The following MICALL2 variants were observed in gnomAD, a reference collection of about 807,000 sequenced individuals.
The protein encoded by MICALL2 is MICAL like 2, also known as MICAL-like protein 2.
MICALL2 carries 111 observed loss-of-function variants against 91.1 expected under a neutral mutation model. The ratio of observed to expected loss-of-function variants is 1.22; its 90% CI spans 1.04 to 1.43. MICALL2 has a LOEUF of 1.43. MICALL2 is among the 40% of genes most tolerant of loss of function. The probability of loss-of-function intolerance (pLI) is 0.00; values close to 1 mark genes in which losing one functional copy is unlikely to be tolerated. For missense variants in MICALL2, 1,556 were observed against 1,236.0 expected (o/e 1.26, Z -3.88); for synonymous variants, 694 against 525.3 (o/e 1.32, Z -4.39).
intron 6 of MICALL2, 115 bp downstream of exon 6, chr7:1,444,537 C>T: frequency 3.8e-6 from 4 of 1,057,530 alleles, no homozygotes; most frequent in Non-Finnish European, 5.4e-6. Flanking sequence ...GAAGTGCAGT[C>T]CCCAAGGCCA....
In MICALL2 at chr7:1,438,859, A is replaced by G. The variant is rs4492283; in HGVS notation, c.2103T>C (p.Pro701=). The G allele has an allele frequency of 0.19, 301,634 of 1,606,568 alleles. 33,947 individuals are homozygous for G. Among genetic ancestry groups the G allele is most frequent in the African/African-American group, 0.52 (38,714 of 74,862 alleles). The change falls in exon 10 of 17, where the codon CCT becomes CCC. Residue 701 remains proline, a synonymous_variant. Transcript: ENST00000297508. ...VQSWKEEEKK[P]HLQGKPGRPL... is the part of the protein sequence containing the mutation. ...GCTGACCTGGTTTGCCCTGAAGGTG[A>G]GGTTTCTTCTCCTCCTCCTTCCAGC... is the stretch of plus-strand genomic sequence containing the variant.
At chr7:1,434,699 G>A (rs757113612) in intron 16 of MICALL2, 27 bp from the exon 17 acceptor site, 36 of 1,529,734 alleles carry the variant, frequency 2.4e-5, no homozygotes, top group Middle Eastern at 3.5e-4. Context: ...CAGTGAGGCC[G>A]TGCTCAACGC....
intron 7 of MICALL2, 21 bp downstream of exon 7, chr7:1,442,171 G>A (rs1049537634): frequency 9.3e-6 from 15 of 1,608,942 alleles, no homozygotes; most frequent in Middle Eastern, 1.9e-4. Flanking sequence ...GGGGCCTCCT[G>A]CCTCCCAGCC....
chr7:1,440,530 A>T, intron 8 of MICALL2, 61 bp downstream of exon 8: 1 of 1,413,186 alleles, frequency 7.1e-7, no homozygotes, highest in Non-Finnish European at 1.0e-6. Flanking sequence ...TTACATACTC[A>T]CTGCATTTAT....
Position 1,451,560 on chromosome 7 carries a change from C to T in MICALL2, c.144-1272G>A, listed in dbSNP as rs1488435207. ...GTCCACGTTGCTGCCTGTGGGGTCC[C>T]GGACAGCAGCTGCTGCCATGTCAGC... is the stretch of plus-strand genomic sequence containing the variant. On this transcript the variant is annotated intron_variant, in intron 1 of 16. Coordinates refer to ENST00000297508, the MANE Select transcript of MICALL2 (RefSeq NM_182924.4). This position sits in a 1 kb window ranked among gnomAD's most constrained non-coding sequence, Gnocchi z 4.5. Among the ~76,000 whole-genome samples, 1 of 152,198 alleles carries T rather than the reference C, an allele frequency of 6.6e-6. No homozygotes were observed. The highest frequency in any genetic ancestry group is 1.5e-5 in the Non-Finnish European group (1 of 68,024).
chr7:1,437,820 C>T (rs1780048243), intron 13 of MICALL2, 70 bp downstream of exon 13: 2 of 1,427,922 alleles, frequency 1.4e-6, no homozygotes, highest in East Asian at 2.5e-5. Context: ...CGCTCCTGTC[C>T]CCCGCCTGGC....
intron 7 of MICALL2, 33 bp downstream of exon 7, chr7:1,442,159 C>T: frequency 6.2e-7 from 1 of 1,607,508 alleles, no homozygotes; most frequent in South Asian, 1.1e-5. Flanking sequence ...CTGCGGGCCC[C>T]CGGGGCCTCC....
At chr7:1,448,822 C>T (rs1212916981) in intron 2 of MICALL2, 61 bp from the exon 3 acceptor site, 8 of 1,589,300 alleles carry the variant, frequency 5.0e-6, no homozygotes, top group Admixed American at 1.7e-5. Context: ...TCCACCAGGC[C>T]GCAGCTCACC....
rs373990870 is a variant in MICALL2, at chr7:1,445,398, C to T, written c.672G>A (p.Ser224=). The stretch of plus-strand genomic sequence containing the variant: ...GCTCTCCTGTGGCCTTGTAGGCCCC[C>T]GAGTGCAGCGTGCAGGAGCACTGCT... ...RCKQCSCTLH[S]GAYKATGEPG... is the part of the protein sequence containing the mutation. The change falls in exon 6 of 17, where the codon TCG becomes TCA. Residue 224 remains serine, a synonymous_variant. Coordinates refer to ENST00000297508, the MANE Select transcript of MICALL2 (RefSeq NM_182924.4). The T allele has an allele frequency of 1.6e-4, 249 of 1,564,728 alleles. 2 individuals carry two copies. The African/African-American group carries it at 2.3e-3, about 14-fold the overall frequency.
At chr7:1,438,696 C>T (rs1780108269) in intron 10 of MICALL2, 144 bp downstream of exon 10, 1 of 1,475,148 alleles carries the variant, frequency 6.8e-7, no homozygotes, top group South Asian at 1.4e-5. Flanking sequence ...GGGCCTGGGG[C>T]ACGGGGCTGG....
In MICALL2 at chr7:1,437,523, CG is replaced by C; in HGVS notation, c.2476+11del. 4.0e-6 allele frequency: 6 copies of C among 1,514,664 alleles called. No homozygotes were observed. Among genetic ancestry groups the C allele is most frequent in the Non-Finnish European group, 2.6e-6 (3 of 1,139,490 alleles). 93.8% of individuals were successfully genotyped at this position (1,514,664 alleles called of 1,614,324 possible). A position where few individuals can be genotyped will look rare whatever the true frequency, so the allele number is the denominator to read the frequency against. On this transcript the variant is annotated intron_variant, in intron 14 of 16. Coordinates refer to ENST00000297508, the MANE Select transcript of MICALL2 (RefSeq NM_182924.4). ...TGGCTGGGGCCCCTTGGCTGGCGCGCGGGGGACGCACCGGGCTTGGCCATGA... is the reference window on the plus strand; with the variant it reads ...TGGCTGGGGCCCCTTGGCTGGCGCGCGGGGACGCACCGGGCTTGGCCATGA...
chr7:1,443,636 AAGAC>A lies in MICALL2; in HGVS notation c.1418+1012_1418+1015del, dbSNP rs575778778. On this transcript the variant is annotated intron_variant, in intron 6 of 16. Coordinates refer to ENST00000297508, the MANE Select transcript of MICALL2 (RefSeq NM_182924.4). Reference sequence around the variant, plus strand: ...GTCCTTAGAAGAGACAGAAGAGGAGAAGACAGACAGAGAGAAGGCCACATGGAAA... The same window carrying A: ...GTCCTTAGAAGAGACAGAAGAGGAGAAGACAGAGAGAAGGCCACATGGAAA... 7.8e-3 allele frequency among the ~76,000 whole-genome samples: 1,185 copies of A among 152,244 alleles called. 12 individuals carry two copies. Among genetic ancestry groups the A allele is most frequent in the Non-Finnish European group, 0.012 (815 of 68,000 alleles).
In MICALL2 at chr7:1,436,876, G is replaced by C. The variant is rs1453629552; in HGVS notation, c.2477-20C>G. 1 of 1,525,802 alleles carries C rather than the reference G, an allele frequency of 6.6e-7. No individual in the cohort carries two copies. The allele number at this position is 1,525,802 out of a possible 1,614,324, so 94.5% of individuals were successfully genotyped here. A position where few individuals can be genotyped will look rare whatever the true frequency, so the allele number is the denominator to read the frequency against. On this transcript the variant is annotated intron_variant, in intron 14 of 16. Transcript: ENST00000297508. Reference sequence around the variant, plus strand: ...GAGCCTCTGTGGGGATGGCTCGTCAGCAGGAGCCCCCCCCACCACTGCCAT... The same window carrying C: ...GAGCCTCTGTGGGGATGGCTCGTCACCAGGAGCCCCCCCCACCACTGCCAT...
rs762201775 is a variant in MICALL2 at position 1,434,665 on chromosome 7, C to T, written c.2646G>A (p.Gln882=). The T allele has an allele frequency of 1.9e-6, 3 of 1,561,418 alleles. No individual in the cohort carries two copies. In the Admixed American group the frequency reaches 6.2e-5, roughly 32 times the overall value. ...ACAAGCGGAACTTGGACTTCTTCCT[C>T]TGGAGGCCTAGGGGACAGGTGGACA... is the stretch of plus-strand genomic sequence containing the variant. The part of the protein sequence containing the change: ...LRDMIEKLGL[Q]RKKSKFRLSK... Residue 882 remains glutamine, a synonymous_variant, in exon 17 of 17, where the codon CAG becomes CAA. Coordinates refer to ENST00000297508, the MANE Select transcript of MICALL2 (RefSeq NM_182924.4).
Position 1,434,395 on chromosome 7 carries a change from C to A in MICALL2, c.*201G>T, listed in dbSNP as rs1426320002. On this transcript the variant is annotated 3_prime_UTR_variant, in exon 17 of 17. Coordinates refer to ENST00000297508, the MANE Select transcript of MICALL2 (RefSeq NM_182924.4). ...GTGGTCGGTTTCTTTATTGAGACCA[C>A]AGACGGTAGCGCAGGTCCCTGCTGT... 1 of 687,980 alleles carries A rather than the reference C, an allele frequency of 1.5e-6. No homozygotes were observed. Among genetic ancestry groups the A allele is most frequent in the African/African-American group, 1.8e-5 (1 of 56,932 alleles). The allele number at this position is 687,980 out of a possible 1,614,324, so 42.6% of individuals were successfully genotyped here. A position where few individuals can be genotyped will look rare whatever the true frequency, so the allele number is the denominator to read the frequency against.
chr7:1,435,536 G>T (rs968925902), intron 15 of MICALL2, among the ~76,000 whole-genome samples: 1 of 151,988 alleles, frequency 6.6e-6, no homozygotes, highest in South Asian at 2.1e-4. Flanking sequence ...GGACAGGAGG[G>T]CCTGGGCCGA....
chr7:1,447,537 A>G, intron 4 of MICALL2, 38 bp downstream of exon 4: 1 of 999,646 alleles, frequency 1.0e-6, no homozygotes, highest in Non-Finnish European at 1.3e-6. Flanking sequence ...CCGGTGGAAA[A>G]CCCAGAGAAC....
At position 1,438,002 on chromosome 7, in the gene MICALL2, G is replaced by C; in HGVS notation, c.2312-22C>G. 2.6e-6 allele frequency: 4 copies of C among 1,550,550 alleles called. No individual in the cohort carries two copies. In the South Asian group the frequency reaches 3.6e-5, roughly 14 times the overall value. Reference sequence around the variant, plus strand: ...TCATCTGGGGAGAGGAGCCAGCTGGGGCAGGGGGGCCCGCCAGAGTTCATG... The same window carrying C: ...TCATCTGGGGAGAGGAGCCAGCTGGCGCAGGGGGGCCCGCCAGAGTTCATG... On this transcript the variant is annotated intron_variant, in intron 12 of 16. Transcript: ENST00000297508.
chr7:1,434,809 C>T, intron 16 of MICALL2, 137 bp from the exon 17 acceptor site: 1 of 939,726 alleles, frequency 1.1e-6, no homozygotes, highest in African/African-American at 1.6e-5. Context: ...CTGCAGGAAG[C>T]CCTGTGCCCT....
Sources: gnomAD v4.1 joint callset for allele counts (sites outside exome capture counted in the v4.1 genomes callset) on GRCh38, gnomAD v4.1.1 for gene constraint, Gnocchi (gnomAD v3.1) non-coding constraint, MANE v1.5 for transcripts, NCBI Gene and HGNC (gene_info 2026-07-23, HGNC 2026-07-21) for gene names.